Variants in R3HDM1 observed in about 807,000 individuals in gnomAD.
R3HDM1 encodes the protein R3H domain containing 1.
A neutral mutation model predicts 141.1 loss-of-function variants in R3HDM1; 46 were observed. The observed-to-expected ratio is 0.33, with a 90% CI of 0.26 to 0.42. The LOEUF (loss-of-function observed/expected upper bound fraction) is 0.42, where lower values mean the gene tolerates loss of function less well. Ranked by LOEUF, R3HDM1 falls within the 10% of genes least tolerant of loss-of-function variation. The pLI, the probability that R3HDM1 is intolerant of heterozygous loss-of-function variation, is 1.00. For missense variants in R3HDM1, 1,184 were observed against 1,368.3 expected (o/e 0.87, Z 2.12); for synonymous variants, 435 against 472.9 (o/e 0.92, Z 1.04).
Position 135,590,605 on chromosome 2 carries a change from C to CCAAT in R3HDM1, c.-249-11894_-249-11891dup, listed in dbSNP as rs1460411853. Reference sequence around the variant, plus strand: ...TTGTGCAAAGCCATAGGAAGTTGAGCCAATTAAATTGGACAGGTACTTTAA... The same window carrying CCAAT: ...TTGTGCAAAGCCATAGGAAGTTGAGCCAATCAATTAAATTGGACAGGTACTTTAA... On this transcript the variant is annotated intron_variant, in intron 1 of 26. Coordinates refer to ENST00000683871, the MANE Select transcript of R3HDM1 (RefSeq NM_001378107.1). 1.5e-5 allele frequency: 15 copies of CCAAT among 985,248 alleles called. No homozygotes were observed. The African/African-American group carries it at 2.6e-4, about 17-fold the overall frequency. 61.0% of individuals were successfully genotyped at this position (985,248 alleles called of 1,614,324 possible).
chr2:135,625,479 A>G (rs2061923376), intron 7 of R3HDM1, among the ~76,000 whole-genome samples: 1 of 152,158 alleles, frequency 6.6e-6, no homozygotes, highest in African/African-American at 2.4e-5. Context: ...AAATAAAATA[A>G]CAGAGGGATA....
intron 15 of R3HDM1, 28 bp from the exon 16 acceptor site, chr2:135,645,351 T>A: frequency 6.4e-7 from 1 of 1,559,940 alleles, no homozygotes; most frequent in South Asian, 1.2e-5. Context: ...TTCTAAGTTA[T>A]TTTTTTCCCT....
intron 1 of R3HDM1, among the ~76,000 whole-genome samples, chr2:135,598,721 T>C (rs533124439): frequency 1.3e-4 from 20 of 152,324 alleles, no homozygotes; most frequent in Admixed American, 1.2e-3. Context: ...GAATTCATTA[T>C]GAAAAATATT....
chr2:135,648,786 A>C (rs7598765), intron 16 of R3HDM1, among the ~76,000 whole-genome samples: 9,999 of 151,706 alleles, frequency 0.066, 646 homozygotes, highest in African/African-American at 0.17. Flanking sequence ...TAAAAAAAAA[A>C]AAAAAAACAC....
rs545909607 is a variant in R3HDM1, at chr2:135,571,411, C to A, written c.-249-31089C>A. Among the ~76,000 whole-genome samples, 33 of 145,082 alleles carry A rather than the reference C, an allele frequency of 2.3e-4. No homozygotes were observed. The South Asian group carries it at 6.2e-3, about 27-fold the overall frequency. The stretch of plus-strand genomic sequence containing the variant: ...CACAATCTCGGCTCATTGCAACCTC[C>A]ACCTCCCCGGTTCAAGCAATTCTTC... On this transcript the variant is annotated intron_variant, in intron 1 of 26. Transcript: ENST00000683871.
At chr2:135,648,270 T>C (rs545848361) in intron 16 of R3HDM1, among the ~76,000 whole-genome samples, 1 of 152,304 alleles carries the variant, frequency 6.6e-6, no homozygotes, top group South Asian at 2.1e-4. Context: ...TTTTTTGCTT[T>C]CTTTTAAGCT....
At chr2:135,625,247 C>T (rs1162996571) in intron 7 of R3HDM1, among the ~76,000 whole-genome samples, 3 of 152,190 alleles carry the variant, frequency 2.0e-5, no homozygotes, top group Non-Finnish European at 4.4e-5. Context: ...GTCAGGAGTT[C>T]GACACCAGCC....
At chr2:135,554,548 A>T (rs1463050678) in intron 1 of R3HDM1, among the ~76,000 whole-genome samples, 3 of 152,322 alleles carry the variant, frequency 2.0e-5, no homozygotes, top group Admixed American at 2.0e-4. Context: ...GCTGGGTCAT[A>T]TTGGTAACTA....
intron 1 of R3HDM1, among the ~76,000 whole-genome samples, chr2:135,573,162 C>T (rs894699027): frequency 7.9e-5 from 12 of 151,994 alleles, no homozygotes; most frequent in Non-Finnish European, 1.3e-4. Flanking sequence ...GTTTGTATGT[C>T]GATAAGCTGT....
intron 1 of R3HDM1, chr2:135,536,825 T>C: frequency 1.7e-6 from 1 of 574,018 alleles, no homozygotes. Context: ...CTCTGCCTCC[T>C]GTCAGATCAG....
At chr2:135,700,658 T>C (rs1220513061) in intron 21 of R3HDM1, among the ~76,000 whole-genome samples, 4 of 152,210 alleles carry the variant, frequency 2.6e-5, no homozygotes, top group African/African-American at 9.6e-5. Flanking sequence ...AATGAATCAA[T>C]TATTGCTTGA....
intron 21 of R3HDM1, among the ~76,000 whole-genome samples, chr2:135,688,536 T>G (rs922053284): frequency 7.2e-4 from 109 of 152,102 alleles, no homozygotes; most frequent in Non-Finnish European, 1.6e-4. Flanking sequence ...TAAAAAACCA[T>G]AGTGGACAGC....
At chr2:135,555,201 G>A (rs941606580) in intron 1 of R3HDM1, among the ~76,000 whole-genome samples, 8 of 151,602 alleles carry the variant, frequency 5.3e-5, no homozygotes, top group Admixed American at 3.9e-4. Flanking sequence ...TCGGGAGGCT[G>A]AGGCAGAATT....
At chr2:135,668,399 G>A (rs1449241499) in intron 19 of R3HDM1, among the ~76,000 whole-genome samples, 1 of 152,190 alleles carries the variant, frequency 6.6e-6, no homozygotes, top group Non-Finnish European at 1.5e-5. Context: ...TGTGTTGTAT[G>A]TTATAATTAT....
At chr2:135,621,361 G>C in intron 5 of R3HDM1, 133 bp from the exon 6 acceptor site, 3 of 485,724 alleles carry the variant, frequency 6.2e-6, no homozygotes, top group Non-Finnish European at 1.1e-5. Flanking sequence ...TTGTTTTTTA[G>C]TTTGAAGAAT....
At chr2:135,541,133 T>G (rs900647332) in intron 1 of R3HDM1, among the ~76,000 whole-genome samples, 14 of 152,192 alleles carry the variant, frequency 9.2e-5, no homozygotes, top group African/African-American at 3.4e-4. Flanking sequence ...AGCATAGTTC[T>G]TAATGGCCCT....
At chr2:135,587,636 GT>G (rs1172887404) in intron 1 of R3HDM1, among the ~76,000 whole-genome samples, 1 of 152,058 alleles carries the variant, frequency 6.6e-6, no homozygotes, top group Non-Finnish European at 1.5e-5. Flanking sequence ...CAGATTTTAA[GT>G]TTTTTCTTGA....
chr2:135,660,191 A>G (rs2066504897), intron 18 of R3HDM1, among the ~76,000 whole-genome samples: 2 of 152,216 alleles, frequency 1.3e-5, no homozygotes, highest in African/African-American at 4.8e-5. Context: ...ATGAAGTTAT[A>G]TGTAGTTGAG....
At chr2:135,640,832 G>A (rs2063719024) in intron 14 of R3HDM1, among the ~76,000 whole-genome samples, 1 of 152,040 alleles carries the variant, frequency 6.6e-6, no homozygotes, top group Non-Finnish European at 1.5e-5. Context: ...CTGTATAATA[G>A]AAAATGGAAT....
Sources: allele counts gnomAD v4.1 joint callset (sites outside exome capture counted in the v4.1 genomes callset), GRCh38; gene constraint gnomAD v4.1.1; transcripts MANE v1.5; gene names NCBI Gene and HGNC (gene_info 2026-07-23, HGNC 2026-07-21).